TRMT11: variants seen among roughly 807,000 people sequenced by gnomAD.
TRMT11 encodes the protein tRNA methyltransferase 11, also known as tRNA (guanine(10)-N(2))-methyltransferase TRMT11.
A neutral mutation model predicts 62.8 loss-of-function variants in TRMT11; 53 were observed. The observed-to-expected ratio is 0.84, with a 90% confidence interval of 0.68 to 1.06. The LOEUF (loss-of-function observed/expected upper bound fraction) is 1.06, where lower values mean the gene tolerates loss of function less well. Ranked by LOEUF, TRMT11 falls within the 50% of genes least tolerant of loss-of-function variation. The pLI, the probability that TRMT11 is intolerant of heterozygous loss-of-function variation, is 0.00. For synonymous variants in TRMT11, 188 were observed against 190.3 expected, an observed-to-expected ratio of 0.99 and a Z score of 0.10; for missense variants, 556 against 553.4, an observed-to-expected ratio of 1.00 and a Z score of -0.05.
chr6:125,996,610 A>G (rs6910352), intron 3 of TRMT11, among the ~76,000 whole-genome samples: 107,749 of 151,722 alleles, frequency 0.71, 38,799 homozygotes, highest in East Asian at 0.95. Context: ...TTTTTTCTTT[A>G]TACTGTTGGA....
At chr6:126,086,355 C>T (rs1777216535) in intron 17 of TRMT11, among the ~76,000 whole-genome samples, 1 of 152,140 alleles carries the variant, frequency 6.6e-6, no homozygotes, top group Admixed American at 6.5e-5. Context: ...CACATCCATC[C>T]AGTGTCCCGA....
At chr6:126,117,436 G>A (rs1777602864) in intron 21 of TRMT11, among the ~76,000 whole-genome samples, 1 of 151,984 alleles carries the variant, frequency 6.6e-6, no homozygotes, top group Non-Finnish European at 1.5e-5. Flanking sequence ...CAGAAAGAAT[G>A]TCTTTTACCG....
chr6:126,017,404 A>T (rs1373852745), intron 11 of TRMT11, among the ~76,000 whole-genome samples: 4 of 152,250 alleles, frequency 2.6e-5, no homozygotes, highest in African/African-American at 4.8e-5. Flanking sequence ...AATGATTGAA[A>T]AGGATTTTCT....
chr6:126,014,049 A>G (rs982601258), intron 11 of TRMT11, among the ~76,000 whole-genome samples: 1 of 152,200 alleles, frequency 6.6e-6, no homozygotes, highest in Admixed American at 6.5e-5. Flanking sequence ...TATGTTCAGC[A>G]TTATTGCTTT....
chr6:126,032,150 G>T (rs529836004), intron 12 of TRMT11, among the ~76,000 whole-genome samples: 2 of 152,080 alleles, frequency 1.3e-5, no homozygotes, highest in Admixed American at 1.3e-4. Flanking sequence ...GGGCAGTACT[G>T]CTTTCTTAGG....
the TRMT11 span, among the ~76,000 whole-genome samples, chr6:126,270,524 C>T: frequency 2.6e-5 from 4 of 151,918 alleles, no homozygotes; most frequent in African/African-American, 7.3e-5. Flanking sequence ...GCAATATGCA[C>T]TATAGATTTT....
At chr6:126,166,100 A>G (rs1432421757) in intron 21 of TRMT11, among the ~76,000 whole-genome samples, 1 of 151,946 alleles carries the variant, frequency 6.6e-6, no homozygotes, top group Non-Finnish European at 1.5e-5. Context: ...TGTAAGCTTC[A>G]TGAAGTTCTT....
intron 17 of TRMT11, among the ~76,000 whole-genome samples, chr6:126,072,047 C>T (rs1447900397): frequency 1.3e-5 from 2 of 152,126 alleles, no homozygotes; most frequent in African/African-American, 4.8e-5. Flanking sequence ...TGACTGAGCA[C>T]TTCATGGCTC....
At chr6:126,240,787 G>T in the TRMT11 span, among the ~76,000 whole-genome samples, 1 of 152,222 alleles carries the variant, frequency 6.6e-6, no homozygotes, top group Non-Finnish European at 1.5e-5. Context: ...CTTTTGTTTG[G>T]CTATGCCCTG....
chr6:126,156,173 C>T (rs1778118891), intron 21 of TRMT11, among the ~76,000 whole-genome samples: 1 of 152,230 alleles, frequency 6.6e-6, no homozygotes, highest in Admixed American at 6.5e-5. Flanking sequence ...TCTGTTGCTG[C>T]TCTCACAGGT....
chr6:126,235,764 C>T, the TRMT11 span, among the ~76,000 whole-genome samples: 18 of 152,010 alleles, frequency 1.2e-4, no homozygotes. Flanking sequence ...GGCTTAATAC[C>T]TAGGAGATGG....
the TRMT11 span, among the ~76,000 whole-genome samples, chr6:126,220,949 T>A: frequency 6.6e-6 from 1 of 152,180 alleles, no homozygotes; most frequent in Non-Finnish European, 1.5e-5. Flanking sequence ...TGTTTACAAT[T>A]CCCTTCTTTG....
chr6:126,053,771 C>T (rs915746838), intron 17 of TRMT11, among the ~76,000 whole-genome samples: 2 of 152,014 alleles, frequency 1.3e-5, no homozygotes, highest in African/African-American at 4.8e-5. Context: ...ATCTGTTGGT[C>T]TCACCATACC....
chr6:126,042,469 A>C (rs1024294059), downstream of TRMT11, among the ~76,000 whole-genome samples: 2 of 152,192 alleles, frequency 1.3e-5, no homozygotes, highest in African/African-American at 4.8e-5. Flanking sequence ...GGCTTAATAG[A>C]TGAATGTTAA....
chr6:126,093,629 A>ATTTTTTTTTTTT lies in TRMT11; in HGVS notation c.*1438-19236_*1438-19235insTTTTTTTTTTTT, dbSNP rs1199202335. Among the ~76,000 whole-genome samples, 15 of 94,030 alleles carry ATTTTTTTTTTTT rather than the reference A, an allele frequency of 1.6e-4. 1 individual carries two copies. Among genetic ancestry groups the ATTTTTTTTTTTT allele is most frequent in the African/African-American group, 6.4e-4 (14 of 21,820 alleles). The allele number at this position is 94,030 out of a possible 152,430, so 61.7% of individuals were successfully genotyped here. On this transcript the variant is annotated intron_variant and NMD_transcript_variant, in intron 17 of 22. Coordinates refer to the TRMT11 transcript ENST00000648977. ...TATATATATATATATATATATATAT[A>ATTTTTTTTTTTT]TATTTTCCCCCAGTCCTGGAGGATC...
At chr6:126,018,833 T>A (rs972839982) in intron 11 of TRMT11, among the ~76,000 whole-genome samples, 3 of 152,238 alleles carry the variant, frequency 2.0e-5, no homozygotes, top group African/African-American at 7.2e-5. Flanking sequence ...GAACATTCCA[T>A]TGGAATGAAA....
Position 126,082,322 on chromosome 6 carries a change from T to C in TRMT11, c.*1437+29132T>C, listed in dbSNP as rs887549651. Reference sequence around the variant, plus strand: ...ATAATATTGCTGTAATGTAATATACTGTATTATATTATCAATATATTGTGT... The same window carrying C: ...ATAATATTGCTGTAATGTAATATACCGTATTATATTATCAATATATTGTGT... On this transcript the variant is annotated intron_variant and NMD_transcript_variant, in intron 17 of 22. Coordinates refer to the TRMT11 transcript ENST00000648977. Among the ~76,000 whole-genome samples, 3 of 152,078 alleles carry C rather than the reference T, an allele frequency of 2.0e-5. No individual in the cohort carries two copies. The East Asian group carries it at 5.8e-4, about 29-fold the overall frequency.
At chr6:126,188,037 T>C (rs968515774) in intron 1 of TRMT11, among the ~76,000 whole-genome samples, 24 of 151,842 alleles carry the variant, frequency 1.6e-4, no homozygotes, top group Non-Finnish European at 2.9e-4. Context: ...GAAAATATCT[T>C]TGTGATCTTG....
In TRMT11 at chr6:125,986,630, C is replaced by A. The variant is rs1405474093; in HGVS notation, c.72+8C>A. ...CTGGAGTTCCGCCTGCCGGTGAGTCCGTAGCGCCCTCCGGAACTTCCGACG... is the reference window on the plus strand; with the variant it reads ...CTGGAGTTCCGCCTGCCGGTGAGTCAGTAGCGCCCTCCGGAACTTCCGACG... On this transcript the variant is annotated splice_region_variant and intron_variant, in intron 1 of 12. Coordinates refer to ENST00000334379, the MANE Select transcript of TRMT11 (RefSeq NM_001031712.3). 3 of 1,577,094 alleles carry A rather than the reference C, an allele frequency of 1.9e-6. No homozygotes were observed. The highest frequency in any genetic ancestry group is 2.6e-6 in the Non-Finnish European group (3 of 1,162,966).
Sources: allele counts gnomAD v4.1 joint callset (sites outside exome capture counted in the v4.1 genomes callset), GRCh38; gene constraint gnomAD v4.1.1; transcripts MANE v1.5; gene names NCBI Gene and HGNC (gene_info 2026-07-23, HGNC 2026-07-21).